The following C8orf34 variants were observed in gnomAD, a reference collection of about 807,000 sequenced individuals.
C8orf34 encodes the protein uncharacterized protein C8orf34.
A neutral mutation model predicts 68.3 loss-of-function variants in C8orf34; 65 were observed. The ratio of observed to expected loss-of-function variants is 0.95; its 90% confidence interval spans 0.78 to 1.17. The LOEUF (loss-of-function observed/expected upper bound fraction) is 1.17. Ranked by LOEUF, C8orf34 falls within the 50% of genes most tolerant of loss-of-function variation. The pLI, the probability that C8orf34 is intolerant of heterozygous loss-of-function variation, is 0.00. For synonymous variants in C8orf34, 244 were observed against 241.2 expected (o/e 1.01, Z -0.11); for missense variants, 664 against 655.4 (o/e 1.01, Z -0.14).
At chr8:68,631,013 C>T (rs1258099692) in intron 7 of C8orf34, among the ~76,000 whole-genome samples, 1 of 150,176 alleles carries the variant, frequency 6.7e-6, no homozygotes, top group Admixed American at 6.7e-5. Flanking sequence ...GCCTGTAATC[C>T]CAGCACTTTG....
intron 1 of C8orf34, among the ~76,000 whole-genome samples, chr8:68,335,399 G>T (rs1354556426): frequency 1.3e-5 from 2 of 151,984 alleles, no homozygotes; most frequent in Non-Finnish European, 2.9e-5. Context: ...ATATTTTTTG[G>T]AGTAATGATT....
chr8:68,766,556 A>G (rs1017520592), intron 10 of C8orf34, among the ~76,000 whole-genome samples: 1 of 152,230 alleles, frequency 6.6e-6, no homozygotes, highest in Admixed American at 6.5e-5. Context: ...AATCAAAACA[A>G]TAAGAATGTC....
chr8:68,718,018 T>A (rs1585775730), intron 9 of C8orf34, among the ~76,000 whole-genome samples: 2 of 152,342 alleles, frequency 1.3e-5, no homozygotes, highest in Admixed American at 1.3e-4. Context: ...TATTCTTGCA[T>A]GTGTACCTTC....
At chr8:68,405,972 G>A (rs764695532) in intron 1 of C8orf34, among the ~76,000 whole-genome samples, 12 of 152,176 alleles carry the variant, frequency 7.9e-5, no homozygotes, top group Admixed American at 2.6e-4. Context: ...GAAAACAAAG[G>A]TATGGGAACA....
intron 12 of C8orf34, among the ~76,000 whole-genome samples, chr8:68,802,306 G>A (rs1257535219): frequency 6.6e-6 from 1 of 151,398 alleles, no homozygotes; most frequent in Non-Finnish European, 1.5e-5. Flanking sequence ...CTCCATGTTG[G>A]TCAGGCTGGT....
chr8:68,620,711 A>C (rs1818363829), intron 7 of C8orf34, among the ~76,000 whole-genome samples: 1 of 151,888 alleles, frequency 6.6e-6, no homozygotes, highest in African/African-American at 2.4e-5. Context: ...AAAGAAAAAG[A>C]AAATGTTTAA....
intron 6 of C8orf34, among the ~76,000 whole-genome samples, chr8:68,528,690 C>T (rs1376317328): frequency 6.6e-6 from 1 of 152,218 alleles, no homozygotes; most frequent in African/African-American, 2.4e-5. Flanking sequence ...CCCGGCAATG[C>T]AGCTGCACCT....
intron 1 of C8orf34, among the ~76,000 whole-genome samples, chr8:68,347,191 C>T (rs1377464172): frequency 6.6e-6 from 1 of 152,030 alleles, no homozygotes; most frequent in Non-Finnish European, 1.5e-5. Flanking sequence ...TTAGCTCCCA[C>T]TTATAGATGA....
intron 4 of C8orf34, among the ~76,000 whole-genome samples, chr8:68,471,797 C>G (rs1812387943): frequency 6.6e-6 from 1 of 151,864 alleles, no homozygotes; most frequent in South Asian, 2.1e-4. Context: ...GTTGTACGGT[C>G]TAAAAAAATC....
intron 10 of C8orf34, among the ~76,000 whole-genome samples, chr8:68,771,458 G>T (rs1823332699): frequency 6.6e-6 from 1 of 152,116 alleles, no homozygotes; most frequent in Non-Finnish European, 1.5e-5. Context: ...ATATGATGTT[G>T]ATATCTCTGT....
At chr8:68,538,576 A>G (rs1245429905) in intron 7 of C8orf34, among the ~76,000 whole-genome samples, 1 of 152,090 alleles carries the variant, frequency 6.6e-6, no homozygotes, top group Non-Finnish European at 1.5e-5. Context: ...GAACCCAGAT[A>G]CATTTTGTAT....
intron 1 of C8orf34, among the ~76,000 whole-genome samples, chr8:68,409,393 G>T (rs1293829701): frequency 3.9e-5 from 6 of 152,152 alleles, no homozygotes; most frequent in Non-Finnish European, 7.3e-5. Flanking sequence ...TGATGATCCT[G>T]ACCCTGTGTA....
At chr8:68,408,993 T>C (rs567616172) in intron 1 of C8orf34, among the ~76,000 whole-genome samples, 32 of 152,280 alleles carry the variant, frequency 2.1e-4, no homozygotes, top group Non-Finnish European at 2.9e-4. Context: ...TTCACCATGT[T>C]GGCCAGCCTG....
intron 8 of C8orf34, among the ~76,000 whole-genome samples, chr8:68,670,347 G>T (rs1477082607): frequency 6.6e-6 from 1 of 152,144 alleles, no homozygotes; most frequent in East Asian, 1.9e-4. Flanking sequence ...CAAAAGAAAT[G>T]AATTATCTTA....
At chr8:68,454,098 C>G (rs1811453115) in intron 3 of C8orf34, among the ~76,000 whole-genome samples, 2 of 151,824 alleles carry the variant, frequency 1.3e-5, no homozygotes, top group Non-Finnish European at 2.9e-5. Context: ...CTTAAGTAAC[C>G]CTTGAATTCC....
chr8:68,612,925 G>C (rs1212196993), intron 7 of C8orf34, among the ~76,000 whole-genome samples: 6 of 152,100 alleles, frequency 3.9e-5, no homozygotes, highest in African/African-American at 1.4e-4. Context: ...CCCATGCTTA[G>C]AAAAACGTAA....
intron 1 of C8orf34, among the ~76,000 whole-genome samples, chr8:68,391,534 G>T (rs564460779): frequency 1.3e-5 from 2 of 152,212 alleles, no homozygotes; most frequent in African/African-American, 2.4e-5. Context: ...CCTCTTCTGC[G>T]ATTTGTTCTT....
intron 7 of C8orf34, among the ~76,000 whole-genome samples, chr8:68,601,109 C>A (rs570545090): frequency 1.3e-5 from 2 of 152,310 alleles, no homozygotes; most frequent in East Asian, 3.9e-4. Context: ...ATGTTGAAAT[C>A]CACTATCATT....
At chr8:68,629,797 G>T (rs1818636946) in intron 7 of C8orf34, among the ~76,000 whole-genome samples, 1 of 151,978 alleles carries the variant, frequency 6.6e-6, no homozygotes, top group Admixed American at 6.6e-5. Context: ...GTGTGTTTAT[G>T]TTTAAGTGAG....
Sources: allele counts gnomAD v4.1 joint callset (sites outside exome capture counted in the v4.1 genomes callset), GRCh38; gene constraint gnomAD v4.1.1; transcripts MANE v1.5; gene names NCBI Gene and HGNC (gene_info 2026-07-23, HGNC 2026-07-21).